SLIT2: variants seen among roughly 807,000 people sequenced by gnomAD.
The protein encoded by SLIT2 is slit homolog 2 protein.
A neutral mutation model predicts 185.7 loss-of-function variants in SLIT2; 41 were observed. That is an observed-to-expected ratio of 0.22 (90% confidence interval 0.17 to 0.29). The LOEUF (loss-of-function observed/expected upper bound fraction) is 0.29, where lower values mean the gene tolerates loss of function less well. SLIT2 is among the 10% of genes least tolerant of loss of function. The pLI, the probability that SLIT2 is intolerant of heterozygous loss-of-function variation, is 1.00. For synonymous variants in SLIT2, 693 were observed against 680.2 expected (o/e 1.02, Z -0.29); for missense variants, 1,571 against 1,909.0 (o/e 0.82, Z 3.30).
In SLIT2 at chr4:20,358,471, C is replaced by T. The variant is rs780659593; in HGVS notation, c.395+89590C>T. ...TTACTTTTTTGTAAATTTAAATTGA[C>T]GAGGTAGGTAGAGTATCACGATAAG... On this transcript the variant is annotated intron_variant, in intron 4 of 36. Transcript: ENST00000504154. Among the ~76,000 whole-genome samples the T allele has an allele frequency of 8.6e-5, 13 of 151,818 alleles. No homozygotes were observed. The East Asian group carries it at 1.6e-3, about 18-fold the overall frequency.
intron 5 of SLIT2, among the ~76,000 whole-genome samples, chr4:20,470,983 G>C (rs913895347): frequency 6.6e-6 from 1 of 152,120 alleles, no homozygotes; most frequent in Non-Finnish European, 1.5e-5. Flanking sequence ...AACTTTGGAA[G>C]CTTATGTTTC....
intron 4 of SLIT2, among the ~76,000 whole-genome samples, chr4:20,411,429 C>G (rs1376553221): frequency 6.6e-6 from 1 of 152,172 alleles, no homozygotes; most frequent in Non-Finnish European, 1.5e-5. Flanking sequence ...ACACCCACAG[C>G]TTTTAAGGAT....
chr4:20,437,319 A>G (rs1019230345), intron 4 of SLIT2, among the ~76,000 whole-genome samples: 1 of 152,082 alleles, frequency 6.6e-6, no homozygotes, highest in Non-Finnish European at 1.5e-5. Flanking sequence ...TTGAAGGCAA[A>G]AAACTAGGAG....
intron 4 of SLIT2, among the ~76,000 whole-genome samples, chr4:20,405,918 C>CTGTCCTATCAACAATGAA (rs1553895950): frequency 2.0e-5 from 3 of 146,746 alleles, no homozygotes; most frequent in Non-Finnish European, 1.5e-5. Flanking sequence ...TATTCACAAA[C>CTGTCCTATCAACAATGAA]ATTACCTTGG....
intron 4 of SLIT2, among the ~76,000 whole-genome samples, chr4:20,366,774 A>G (rs1422162024): frequency 2.0e-5 from 3 of 151,956 alleles, no homozygotes; most frequent in African/African-American, 7.2e-5. Context: ...ATGCAATAAT[A>G]TTTTAGGGTT....
At chr4:20,523,615 A>C (rs966515272) in intron 12 of SLIT2, 145 bp from the exon 13 acceptor site, 1 of 665,234 alleles carries the variant, frequency 1.5e-6, no homozygotes, top group Non-Finnish European at 2.6e-6. Flanking sequence ...TCTAGCCTCT[A>C]ATTCCTAAAT....
chr4:20,425,322 CATT>C (rs1186548318), intron 4 of SLIT2, among the ~76,000 whole-genome samples: 1 of 151,918 alleles, frequency 6.6e-6, no homozygotes, highest in African/African-American at 2.4e-5. Context: ...TTAAAAAACT[CATT>C]GTCCACATTC....
At chr4:20,503,287 A>G (rs1229479882) in intron 9 of SLIT2, among the ~76,000 whole-genome samples, 1 of 152,140 alleles carries the variant, frequency 6.6e-6, no homozygotes, top group African/African-American at 2.4e-5. Context: ...GAATAATGAG[A>G]ACTACTGTCT....
At chr4:20,403,099 T>C (rs1300742561) in intron 4 of SLIT2, among the ~76,000 whole-genome samples, 1 of 151,926 alleles carries the variant, frequency 6.6e-6, no homozygotes, top group Non-Finnish European at 1.5e-5. Flanking sequence ...CTCTATTTAA[T>C]CTTTTGGGAT....
chr4:20,438,317 G>T (rs962552353), intron 4 of SLIT2, among the ~76,000 whole-genome samples: 4 of 152,168 alleles, frequency 2.6e-5, no homozygotes, highest in Non-Finnish European at 5.9e-5. Context: ...TGGACTTACA[G>T]TTCCACATGG....
At chr4:20,585,702 G>T (rs1017142294) in intron 29 of SLIT2, among the ~76,000 whole-genome samples, 1 of 152,130 alleles carries the variant, frequency 6.6e-6, no homozygotes, top group Non-Finnish European at 1.5e-5. Flanking sequence ...GTCGAATAAA[G>T]AATATTTCCA....
chr4:20,596,118 G>A (rs1015718223), intron 31 of SLIT2, among the ~76,000 whole-genome samples: 4 of 152,086 alleles, frequency 2.6e-5, no homozygotes, highest in Non-Finnish European at 5.9e-5. Context: ...GACAAAAAAC[G>A]TAGAACTTAC....
intron 4 of SLIT2, among the ~76,000 whole-genome samples, chr4:20,303,218 C>T (rs1265389444): frequency 6.6e-6 from 1 of 152,156 alleles, no homozygotes; most frequent in African/African-American, 2.4e-5. Flanking sequence ...TTCAAGATTT[C>T]CTGTGGCTGG....
intron 33 of SLIT2, among the ~76,000 whole-genome samples, chr4:20,602,744 A>G (rs1728503472): frequency 6.6e-6 from 1 of 152,208 alleles, no homozygotes; most frequent in Non-Finnish European, 1.5e-5. Flanking sequence ...ATGTCTTCTC[A>G]TATCCAAGTT....
intron 34 of SLIT2, among the ~76,000 whole-genome samples, chr4:20,610,878 C>A (rs1237552753): frequency 6.6e-6 from 1 of 152,044 alleles, no homozygotes; most frequent in Non-Finnish European, 1.5e-5. Context: ...GAAAAGAAGG[C>A]AGATGAGTGA....
intron 21 of SLIT2, among the ~76,000 whole-genome samples, chr4:20,545,337 T>C (rs2148883820): frequency 6.6e-6 from 1 of 152,152 alleles, no homozygotes; most frequent in African/African-American, 2.4e-5. Flanking sequence ...AGATATAACT[T>C]CAGGCATTCG....
chr4:20,291,904 CTGTGTGTGTGTGTG>C lies in SLIT2; in HGVS notation c.395+23046_395+23059del, dbSNP rs35335088. On this transcript the variant is annotated intron_variant, in intron 4 of 36. Coordinates refer to ENST00000504154, the MANE Select transcript of SLIT2 (RefSeq NM_004787.4). ...AACATCCTAGAGCTCCTGCACACCT[CTGTGTGTGTGTGTG>C]TGTGTGTGTGTGTGTGTGTGTGCAT... Among the ~76,000 whole-genome samples, 52 of 146,964 alleles carry C rather than the reference CTGTGTGTGTGTGTG, an allele frequency of 3.5e-4. 1 individual carries two copies. Among genetic ancestry groups the C allele is most frequent in the East Asian group, 3.3e-3 (16 of 4,886 alleles).
intron 4 of SLIT2, among the ~76,000 whole-genome samples, chr4:20,466,551 C>T (rs1222345390): frequency 6.6e-6 from 1 of 152,084 alleles, no homozygotes; most frequent in Non-Finnish European, 1.5e-5. Context: ...TGCAATTCTT[C>T]GTTGCTTAAA....
At chr4:20,290,236 A>G (rs1715663434) in intron 4 of SLIT2, among the ~76,000 whole-genome samples, 2 of 152,268 alleles carry the variant, frequency 1.3e-5, no homozygotes, top group African/African-American at 2.4e-5. Flanking sequence ...TCTTTCCTCA[A>G]CTGTTTTTAA....
Sources: allele counts gnomAD v4.1 joint callset (sites outside exome capture counted in the v4.1 genomes callset), GRCh38; gene constraint gnomAD v4.1.1; transcripts MANE v1.5; gene names NCBI Gene and HGNC (gene_info 2026-07-23, HGNC 2026-07-21).